TRMT6: variants seen among roughly 807,000 people sequenced by gnomAD.
The protein encoded by TRMT6 is tRNA (adenine(58)-N(1))-methyltransferase non-catalytic subunit TRM6.
TRMT6 carries 34 observed loss-of-function variants against 59.0 expected under a neutral mutation model. The ratio of observed to expected loss-of-function variants is 0.58; its 90% CI spans 0.44 to 0.77. TRMT6 has a LOEUF of 0.77. Among genes scored for constraint, TRMT6 ranks in the 30% least tolerant of loss-of-function variants. The pLI, the probability that TRMT6 is intolerant of heterozygous loss-of-function variation, is 0.00. For missense variants in TRMT6, 575 were observed against 604.5 expected (o/e 0.95, Z 0.51); for synonymous variants, 217 against 210.5 (o/e 1.03, Z -0.27).
In TRMT6 at chr20:5,943,993, C is replaced by A; in HGVS notation, c.497G>T (p.Arg166Leu). Reference protein sequence around the residue: ...AIITVVKPSTRILSIMYYARE... With the variant: ...AIITVVKPSTLILSIMYYARE... ...TGCATAATACATAATTGAAAGAATACGGGTGGATGGCTTCACAACAGTAAT... is the reference window on the plus strand; with the variant it reads ...TGCATAATACATAATTGAAAGAATAAGGGTGGATGGCTTCACAACAGTAAT... Residue 166 changes from arginine to leucine, a missense_variant, in exon 5 of 11, where the codon CGT becomes CTT. Transcript: ENST00000203001. 2 of 1,609,618 alleles carry A rather than the reference C, an allele frequency of 1.2e-6. No homozygotes were observed. Among genetic ancestry groups the A allele is most frequent in the Non-Finnish European group, 8.5e-7 (1 of 1,178,180 alleles).
At chr20:5,940,709 C>G (rs2088648313) in intron 10 of TRMT6, among the ~76,000 whole-genome samples, 1 of 151,878 alleles carries the variant, frequency 6.6e-6, no homozygotes, top group Admixed American at 6.6e-5. Flanking sequence ...GCCTCGACCT[C>G]CAGGGTTCAA....
chr20:5,946,026 T>C (rs1275419342), intron 2 of TRMT6, among the ~76,000 whole-genome samples: 2 of 152,114 alleles, frequency 1.3e-5, no homozygotes, highest in Non-Finnish European at 2.9e-5. Flanking sequence ...GTGATGAAGG[T>C]AGAAATTGAA....
Position 5,943,577 on chromosome 20 carries a change from T to C in TRMT6, c.649A>G (p.Met217Val), listed in dbSNP as rs539819401. The change falls in exon 6 of 11, where the codon ATG (methionine) becomes GTG (valine). Residue 217 changes from methionine (M) to valine (V), a missense_variant. Met to Val is a conservative substitution (Grantham distance 21). Coordinates refer to ENST00000203001, the MANE Select transcript of TRMT6 (RefSeq NM_015939.5). Reference protein sequence around the residue: ...ETCAGLVLGAMMERMGGFGSI... With the variant: ...ETCAGLVLGAVMERMGGFGSI... ...ATCTTACCTCCCATTCGTTCCATCA[T>C]TGCACCCAGCACCAAGCCTGCACAC... 4.2e-5 allele frequency: 67 copies of C among 1,614,188 alleles called. No individual in the cohort carries two copies. In the African/African-American group the frequency reaches 5.7e-4, roughly 14 times the overall value.
In TRMT6 at chr20:5,950,266, G is replaced by T; in HGVS notation, c.128+12C>A. The T allele has an allele frequency of 6.3e-7, 1 of 1,594,888 alleles. No homozygotes were observed. Among genetic ancestry groups the T allele is most frequent in the South Asian group, 1.1e-5 (1 of 90,184 alleles). On this transcript the variant is annotated intron_variant, in intron 1 of 10. Coordinates refer to ENST00000203001, the MANE Select transcript of TRMT6 (RefSeq NM_015939.5). Reference sequence around the variant, plus strand: ...GGGGCGGGAGACCCCTAAAATCAGCGATCTGACTTACTTTCTCCGCTGGAC... The same window carrying T: ...GGGGCGGGAGACCCCTAAAATCAGCTATCTGACTTACTTTCTCCGCTGGAC...
intron 10 of TRMT6, among the ~76,000 whole-genome samples, chr20:5,940,833 T>C (rs1341916895): frequency 2.8e-5 from 2 of 71,612 alleles, no homozygotes; most frequent in Non-Finnish European, 4.4e-5. Context: ...AATTTATGTA[T>C]TTTTTTTTGT....
At position 5,941,358 on chromosome 20, in the gene TRMT6, T is replaced by A; in HGVS notation, c.1113-13A>T. The stretch of plus-strand genomic sequence containing the variant: ...AGCTACAATTAAACTGTAAGGAAAA[T>A]GCCAGACAAATTATTTCTCTACACC... On this transcript the variant is annotated splice_polypyrimidine_tract_variant and intron_variant, in intron 8 of 10. Transcript: ENST00000203001. 6.3e-7 allele frequency: 1 copy of A among 1,597,778 alleles called. No individual in the cohort carries two copies. Among genetic ancestry groups the A allele is most frequent in the African/African-American group, 1.3e-5 (1 of 74,532 alleles).
intron 1 of TRMT6, among the ~76,000 whole-genome samples, chr20:5,948,399 G>A (rs980368386): frequency 6.6e-6 from 1 of 152,172 alleles, no homozygotes; most frequent in Non-Finnish European, 1.5e-5. Flanking sequence ...AGGGTGATGA[G>A]GGAGTCTGAC....
At chr20:5,941,630 G>A (rs1457983925) in intron 8 of TRMT6, 12 of 545,770 alleles carry the variant, frequency 2.2e-5, no homozygotes, top group Non-Finnish European at 3.6e-5. Context: ...ATCCAACACT[G>A]CATAAGCTGC....
intron 8 of TRMT6, chr20:5,941,737 G>T (rs1324281239): frequency 1.7e-6 from 1 of 582,698 alleles, no homozygotes; most frequent in Non-Finnish European, 3.0e-6. Flanking sequence ...CAGTGATGGA[G>T]AAGATTCAAT....
Position 5,948,884 on chromosome 20 carries a change from C to T in TRMT6, c.128+1394G>A, listed in dbSNP as rs150120318. ...CTTGTTTCTTGACTATTTTATGATG[C>T]TTGCTTCACCTTAAATACCAGTCAA... On this transcript the variant is annotated intron_variant, in intron 1 of 10. Coordinates refer to ENST00000203001, the MANE Select transcript of TRMT6 (RefSeq NM_015939.5). 3.5e-3 allele frequency among the ~76,000 whole-genome samples: 538 copies of T among 152,260 alleles called. 1 individual carries two copies. The highest frequency in any genetic ancestry group is 0.012 in the African/African-American group (495 of 41,546).
At position 5,937,729 on chromosome 20, in the gene TRMT6, T is replaced by G. The variant is rs900743510; in HGVS notation, c.*806A>C. The G allele has an allele frequency of 5.9e-5, 9 of 152,230 alleles. No individual in the cohort carries two copies. The East Asian group carries it at 1.7e-3, about 29-fold the overall frequency. The allele number at this position is 152,230 out of a possible 1,614,324, so 9.4% of individuals were successfully genotyped here. On this transcript the variant is annotated 3_prime_UTR_variant, in exon 11 of 11. Coordinates refer to ENST00000203001, the MANE Select transcript of TRMT6 (RefSeq NM_015939.5). ...TACAATCTATGTCTCCACTTGCATG[T>G]GTATGTATATATCTGTGTATATATA...
At chr20:5,940,700 C>T (rs1395616332) in intron 10 of TRMT6, among the ~76,000 whole-genome samples, 1 of 152,010 alleles carries the variant, frequency 6.6e-6, no homozygotes, top group Non-Finnish European at 1.5e-5. Flanking sequence ...CTCACTGCAG[C>T]CTCGACCTCC....
In TRMT6 at chr20:5,941,282, G is replaced by A. The variant is rs768415519; in HGVS notation, c.1176C>T (p.Ala392=). 10 of 1,614,060 alleles carry A rather than the reference G, an allele frequency of 6.2e-6. No individual in the cohort carries two copies. The South Asian group carries it at 8.8e-5, about 14-fold the overall frequency. Residue 392 remains alanine, a synonymous_variant, in exon 9 of 11, where the codon GCC becomes GCT. Coordinates refer to ENST00000203001, the MANE Select transcript of TRMT6 (RefSeq NM_015939.5). ...PLLLSLLDFV[A]PSRPFVVYCQ... The stretch of plus-strand genomic sequence containing the variant: ...AGTAGACCACAAACGGCCTTGAAGG[G>A]GCCACAAAGTCCAGCAAAGACAGCA...
At position 5,950,393 on chromosome 20, in the gene TRMT6, C is replaced by T; in HGVS notation, c.13G>A (p.Gly5Arg). Reference sequence around the variant, plus strand: ...TGTGGTTGTGGGCCCGGCTGCTCCCCTGAGCCCTCCATGACGCTCAGCCGG... The same window carrying T: ...TGTGGTTGTGGGCCCGGCTGCTCCCTTGAGCCCTCCATGACGCTCAGCCGG... MEGS[G>R]EQPGPQPQHP... Residue 5 changes from glycine (G) to arginine (R), a missense_variant, in exon 1 of 11, where the codon GGG becomes AGG. Physicochemically the swap from Gly to Arg is moderately radical, Grantham distance 125 (BLOSUM62 -2). Coordinates refer to ENST00000203001, the MANE Select transcript of TRMT6 (RefSeq NM_015939.5). 1 of 1,601,940 alleles carries T rather than the reference C, an allele frequency of 6.2e-7. No individual in the cohort carries two copies. Among genetic ancestry groups the T allele is most frequent in the Non-Finnish European group, 8.5e-7 (1 of 1,178,688 alleles).
chr20:5,942,334 T>TA (rs2088663861), intron 7 of TRMT6, 94 bp downstream of exon 7: 2 of 1,109,778 alleles, frequency 1.8e-6, no homozygotes, highest in African/African-American at 3.1e-5. Context: ...TCTTGGGAGC[T>TA]AATACACCAA....
chr20:5,947,582 C>T (rs1007510130), intron 1 of TRMT6, among the ~76,000 whole-genome samples: 5 of 152,178 alleles, frequency 3.3e-5, no homozygotes, highest in Non-Finnish European at 7.4e-5. Flanking sequence ...CCTGTATGAT[C>T]GTAAGTGATT....
At chr20:5,943,009 C>A (rs535459501) in intron 6 of TRMT6, among the ~76,000 whole-genome samples, 24 of 152,294 alleles carry the variant, frequency 1.6e-4, no homozygotes, top group Non-Finnish European at 3.1e-4. Flanking sequence ...CTCAAAGAAG[C>A]TTATCCCCAC....
At chr20:5,950,161 G>C in intron 1 of TRMT6, 117 bp downstream of exon 1, 1 of 1,113,288 alleles carries the variant, frequency 9.0e-7, no homozygotes, top group Non-Finnish European at 1.3e-6. Flanking sequence ...GCGGGGAATG[G>C]GGACCGAGAG....
At chr20:5,945,111 C>A (rs535837066) in intron 2 of TRMT6, among the ~76,000 whole-genome samples, 197 bp from the exon 3 acceptor site, 9 of 152,204 alleles carry the variant, frequency 5.9e-5, no homozygotes, top group Non-Finnish European at 1.2e-4. Context: ...GTCTTGCCCC[C>A]CTACTATCCA....
Sources: allele counts gnomAD v4.1 joint callset (sites outside exome capture counted in the v4.1 genomes callset), GRCh38; gene constraint gnomAD v4.1.1; transcripts MANE v1.5; gene names NCBI Gene and HGNC (gene_info 2026-07-23, HGNC 2026-07-21).